Variants in ORC3 observed in about 807,000 individuals in gnomAD.
The protein encoded by ORC3 is homolog of latheo, Drosophila.
A neutral mutation model predicts 100.7 loss-of-function variants in ORC3; 78 were observed. That is an observed-to-expected ratio of 0.77 (90% CI 0.65 to 0.94). The LOEUF is 0.94. ORC3 is among the 40% of genes least tolerant of loss of function. ORC3 has a pLI of 0.00. For missense variants in ORC3, 789 were observed against 823.9 expected (o/e 0.96, Z 0.52); for synonymous variants, 295 against 289.3 (o/e 1.02, Z -0.20).
At chr6:87,626,381 C>T (rs1779900804) in intron 11 of ORC3, among the ~76,000 whole-genome samples, 1 of 152,088 alleles carries the variant, frequency 6.6e-6, no homozygotes, top group Non-Finnish European at 1.5e-5. Flanking sequence ...GTTTGTAATT[C>T]TCCTTGAAGA....
At position 87,664,649 on chromosome 6, in the gene ORC3, T is replaced by G. The variant is rs1404868246; in HGVS notation, c.1834-94T>G. 4.4e-6 allele frequency: 4 copies of G among 905,150 alleles called. No homozygotes were observed. The East Asian group carries it at 7.8e-5, about 18-fold the overall frequency. The allele number at this position is 905,150 out of a possible 1,614,324, so 56.1% of individuals were successfully genotyped here. A position where few individuals can be genotyped will look rare whatever the true frequency, so the allele number is the denominator to read the frequency against. On this transcript the variant is annotated intron_variant, in intron 17 of 19. Transcript: ENST00000392844. ...GGGAAACCAAGATTCCATTTACTGG[T>G]TTACTCAGTTTAGGTTGGGGGCTTC...
intron 14 of ORC3, among the ~76,000 whole-genome samples, chr6:87,656,486 G>T (rs955277095): frequency 1.3e-5 from 2 of 152,124 alleles, no homozygotes; most frequent in African/African-American, 4.8e-5. Flanking sequence ...TACTCCGGAG[G>T]CTGAGGCAGG....
intron 1 of ORC3, among the ~76,000 whole-genome samples, chr6:87,591,699 A>G (rs1178202927): frequency 6.6e-6 from 1 of 152,122 alleles, no homozygotes; most frequent in Non-Finnish European, 1.5e-5. Flanking sequence ...GAACTATTTC[A>G]TGAATTTATG....
intron 13 of ORC3, among the ~76,000 whole-genome samples, chr6:87,639,480 A>G (rs567218327): frequency 5.3e-5 from 8 of 152,032 alleles, no homozygotes; most frequent in African/African-American, 9.6e-5. Flanking sequence ...CCTCCCCCCA[A>G]TTTATTCTAA....
chr6:87,597,678 T>TACACACACACACACACAC (rs1245994243), intron 2 of ORC3, among the ~76,000 whole-genome samples: 1 of 136,666 alleles, frequency 7.3e-6, no homozygotes, highest in African/African-American at 3.0e-5. Context: ...GATATATATA[T>TACACACACACACACACAC]ATACACACAC....
intron 5 of ORC3, 125 bp from the exon 6 acceptor site, chr6:87,607,548 G>T: frequency 1.6e-6 from 1 of 634,956 alleles, no homozygotes. Flanking sequence ...CTGTATTGAT[G>T]GTAAGTATAA....
At chr6:87,601,366 T>C (rs1375335283) in intron 2 of ORC3, among the ~76,000 whole-genome samples, 1 of 152,168 alleles carries the variant, frequency 6.6e-6, no homozygotes, top group Non-Finnish European at 1.5e-5. Flanking sequence ...ATATATGTTT[T>C]TGATGAATGT....
At chr6:87,657,818 T>C (rs1362957444) in intron 15 of ORC3, 103 bp from the exon 16 acceptor site, 1 of 613,254 alleles carries the variant, frequency 1.6e-6, no homozygotes, top group Admixed American at 2.5e-5. Flanking sequence ...TCCTGTCTTA[T>C]GGAAAGGGCA....
intron 7 of ORC3, 193 bp downstream of exon 7, chr6:87,609,422 A>G: frequency 2.1e-6 from 1 of 479,528 alleles, no homozygotes; most frequent in South Asian, 3.8e-5. Flanking sequence ...ATGAGAATCA[A>G]AGGCACATTT....
At chr6:87,663,843 C>T (rs1770391852) in intron 17 of ORC3, among the ~76,000 whole-genome samples, 1 of 152,078 alleles carries the variant, frequency 6.6e-6, no homozygotes, top group African/African-American at 2.4e-5. Flanking sequence ...AAGTTAAATA[C>T]CCAGAAATCT....
chr6:87,670,876 C>A (rs1770818381), downstream of ORC3, among the ~76,000 whole-genome samples: 1 of 152,172 alleles, frequency 6.6e-6, no homozygotes, highest in Admixed American at 6.5e-5. Flanking sequence ...GTGGTCAGAG[C>A]AGGCTTCATT....
intron 15 of ORC3, among the ~76,000 whole-genome samples, 198 bp from the exon 16 acceptor site, chr6:87,657,723 A>G (rs1041756978): frequency 1.3e-5 from 2 of 152,222 alleles, no homozygotes; most frequent in African/African-American, 4.8e-5. Flanking sequence ...TATATTATAA[A>G]GCAAAACACC....
chr6:87,669,718 G>C (rs1431214983), downstream of ORC3, among the ~76,000 whole-genome samples: 1 of 152,082 alleles, frequency 6.6e-6, no homozygotes, highest in Non-Finnish European at 1.5e-5. Flanking sequence ...TTCTAGTCTT[G>C]CCTCCAACCA....
intron 2 of ORC3, among the ~76,000 whole-genome samples, chr6:87,595,630 C>T (rs556856404): frequency 6.6e-5 from 10 of 152,270 alleles, no homozygotes; most frequent in South Asian, 2.1e-4. Flanking sequence ...CATCATCTCT[C>T]GGAAGCACCA....
rs1010406166 is a variant in ORC3 at position 87,611,730 on chromosome 6, C to T, written c.714-359C>T. ...CCAGGAGGTGGAGGTTGCAGTGAGC[C>T]GAGATTGCACCACTGCACTCCAGTC... is the stretch of plus-strand genomic sequence containing the variant. On this transcript the variant is annotated intron_variant, in intron 7 of 19. Transcript: ENST00000392844. Among the ~76,000 whole-genome samples, 11 of 151,208 alleles carry T rather than the reference C, an allele frequency of 7.3e-5. No individual in the cohort carries two copies. The East Asian group carries it at 1.9e-3, about 27-fold the overall frequency.
chr6:87,625,256 T>C (rs796122069), intron 11 of ORC3, among the ~76,000 whole-genome samples: 1 of 152,192 alleles, frequency 6.6e-6, no homozygotes, highest in Non-Finnish European at 1.5e-5. Flanking sequence ...TTCTAGATCC[T>C]TGAGGAATCA....
At chr6:87,595,848 T>C (rs531378852) in intron 2 of ORC3, among the ~76,000 whole-genome samples, 1 of 152,266 alleles carries the variant, frequency 6.6e-6, no homozygotes, top group East Asian at 1.9e-4. Flanking sequence ...GTTGATTTAT[T>C]TTAGAGACAG....
intron 1 of ORC3, among the ~76,000 whole-genome samples, chr6:87,593,407 A>T (rs189949997): frequency 3.3e-5 from 5 of 152,362 alleles, no homozygotes; most frequent in Admixed American, 3.3e-4. Flanking sequence ...CAACTACGAT[A>T]TACAATTAAA....
chr6:87,630,938 A>G (rs1767358264), intron 11 of ORC3, among the ~76,000 whole-genome samples: 1 of 151,674 alleles, frequency 6.6e-6, no homozygotes, highest in Non-Finnish European at 1.5e-5. Context: ...TGGTGCAATC[A>G]TAGCTTGCTG....
Sources: allele counts gnomAD v4.1 joint callset (sites outside exome capture counted in the v4.1 genomes callset), GRCh38; gene constraint gnomAD v4.1.1; transcripts MANE v1.5; gene names NCBI Gene and HGNC (gene_info 2026-07-23, HGNC 2026-07-21).